PPFIBP1: variants seen among roughly 807,000 people sequenced by gnomAD.
The protein encoded by PPFIBP1 is liprin-beta-1.
PPFIBP1 carries 112 observed loss-of-function variants against 137.8 expected under a neutral mutation model. The ratio of observed to expected loss-of-function variants is 0.81; its 90% CI spans 0.70 to 0.95. The LOEUF is 0.95. PPFIBP1 is among the 40% of genes least tolerant of loss of function. The pLI is 0.00. For missense variants in PPFIBP1, 1,083 were observed against 1,196.6 expected, an observed-to-expected ratio of 0.91 and a Z score of 1.40; for synonymous variants, 378 against 417.3, an observed-to-expected ratio of 0.91 and a Z score of 1.15.
intron 1 of PPFIBP1, among the ~76,000 whole-genome samples, chr12:27,553,660 C>T (rs377256605): frequency 1.3e-5 from 2 of 152,188 alleles, no homozygotes; most frequent in South Asian, 2.1e-4. Flanking sequence ...CATCGATATT[C>T]GGGGACTCAG....
intron 1 of PPFIBP1, among the ~76,000 whole-genome samples, chr12:27,558,467 T>TACACACACACAC (rs10677887): frequency 0.019 from 2,402 of 129,236 alleles, 34 homozygotes; most frequent in Middle Eastern, 0.069. Context: ...CAGTATGTTA[T>TACACACACACAC]ACACACACAC....
rs1023542558 is a variant in PPFIBP1 at position 27,578,251 on chromosome 12, C to G, written c.-36+12C>G. 4 of 152,258 alleles carry G rather than the reference C, an allele frequency of 2.6e-5. No homozygotes were observed. The highest frequency in any genetic ancestry group is 3.9e-4 in the East Asian group (2 of 5,188). 9.4% of individuals were successfully genotyped at this position (152,258 alleles called of 1,614,324 possible). A position where few individuals can be genotyped will look rare whatever the true frequency, so the allele number is the denominator to read the frequency against. ...TGCTTTTTAAAAATGTAAGTGAACT[C>G]ACTTCTGGCCATGGTTCATTTCAGA... On this transcript the variant is annotated intron_variant, in intron 2 of 29. Coordinates refer to ENST00000228425, the MANE Select transcript of PPFIBP1 (RefSeq NM_003622.4).
intron 4 of PPFIBP1, among the ~76,000 whole-genome samples, chr12:27,637,926 A>G (rs2057802725): frequency 6.6e-6 from 1 of 152,182 alleles, no homozygotes; most frequent in Non-Finnish European, 1.5e-5. Flanking sequence ...AAATGGGTAT[A>G]TGTATACATT....
rs753753276 is a variant in PPFIBP1, at chr12:27,688,349, G to C, written c.2422G>C (p.Glu808Gln). The change falls in exon 26 of 30, where the codon GAG becomes CAG. Residue 808 changes from glutamate to glutamine, a missense_variant. By Grantham distance (29) the Glu-to-Gln change is conservative. Coordinates refer to ENST00000228425, the MANE Select transcript of PPFIBP1 (RefSeq NM_003622.4). ...GAAGTGGACTAACCATCGAGTGATGGAGTGGCTGCGCTCCGTGGACTTGGC... is the reference window on the plus strand; with the variant it reads ...GAAGTGGACTAACCATCGAGTGATGCAGTGGCTGCGCTCCGTGGACTTGGC... The part of the protein sequence containing the change: ...VQKWTNHRVM[E>Q]WLRSVDLAEY... The C allele has an allele frequency of 4.3e-6, 7 of 1,614,022 alleles. No homozygotes were observed. The highest frequency in any genetic ancestry group is 5.9e-6 in the Non-Finnish European group (7 of 1,180,008).
At chr12:27,655,620 G>A (rs922297187) in intron 8 of PPFIBP1, among the ~76,000 whole-genome samples, 6 of 152,070 alleles carry the variant, frequency 3.9e-5, no homozygotes, top group African/African-American at 4.8e-5. Context: ...TATTATCATG[G>A]CTGTGAATAG....
chr12:27,686,872 C>CAA (rs11342490), intron 24 of PPFIBP1, among the ~76,000 whole-genome samples: 6 of 132,798 alleles, frequency 4.5e-5, no homozygotes, highest in African/African-American at 8.1e-5. Context: ...CCTATCTCTC[C>CAA]AAAAAAAAAA....
At chr12:27,664,301 G>A (rs1387785160) in intron 11 of PPFIBP1, 61 bp from the exon 12 acceptor site, 9 of 1,072,000 alleles carry the variant, frequency 8.4e-6, no homozygotes, top group African/African-American at 1.6e-5. Context: ...AATTCTTTAT[G>A]GAATTACTAT....
chr12:27,692,805 A>G lies in PPFIBP1; in HGVS notation c.2941A>G (p.Lys981Glu), dbSNP rs768254987. The change falls in exon 30 of 30, where the codon AAA becomes GAA. Residue 981 changes from lysine (K) to glutamate (E), a missense_variant. By Grantham distance (56) the Lys-to-Glu change is moderately conservative. Coordinates refer to ENST00000228425, the MANE Select transcript of PPFIBP1 (RefSeq NM_003622.4). The stretch of plus-strand genomic sequence containing the variant: ...TCTCCTTGTTTTCCAGCACATGTTA[A>G]AAGAAGATGACATGTTTAAAGATTT... ...EGINNLTHML[K>E]EDDMFKDFAA... The G allele has an allele frequency of 1.2e-6, 2 of 1,614,130 alleles. No homozygotes were observed. Among genetic ancestry groups the G allele is most frequent in the Admixed American group, 3.3e-5 (2 of 60,024 alleles).
intron 1 of PPFIBP1, among the ~76,000 whole-genome samples, chr12:27,576,577 T>C (rs551241122): frequency 1.3e-5 from 2 of 152,284 alleles, no homozygotes; most frequent in East Asian, 1.9e-4. Flanking sequence ...CCAGCTCCTG[T>C]CTGCTCAGAC....
intron 2 of PPFIBP1, among the ~76,000 whole-genome samples, chr12:27,608,383 C>T (rs74074024): frequency 0.015 from 2,247 of 152,248 alleles, 56 homozygotes; most frequent in African/African-American, 0.052. Context: ...AAATGCAGGA[C>T]TGTGACTCCA....
intron 1 of PPFIBP1, among the ~76,000 whole-genome samples, chr12:27,543,633 C>T (rs954011947): frequency 5.3e-5 from 8 of 152,014 alleles, no homozygotes; most frequent in African/African-American, 1.9e-4. Flanking sequence ...ATATGCTTCA[C>T]CTAAAACATA....
chr12:27,685,236 CACAT>C (rs1237993147), intron 24 of PPFIBP1, among the ~76,000 whole-genome samples: 4 of 151,564 alleles, frequency 2.6e-5, no homozygotes, highest in Admixed American at 6.6e-5. Flanking sequence ...TATATACACA[CACAT>C]ACACATATAT....
At chr12:27,630,796 T>C (rs1052500175) in intron 2 of PPFIBP1, among the ~76,000 whole-genome samples, 1 of 152,174 alleles carries the variant, frequency 6.6e-6, no homozygotes, top group Non-Finnish European at 1.5e-5. Context: ...TCTCTGCTGT[T>C]ATATACCACT....
chr12:27,558,287 G>GTTTTA (rs1237027926), intron 1 of PPFIBP1, among the ~76,000 whole-genome samples: 1 of 144,016 alleles, frequency 6.9e-6, no homozygotes, highest in African/African-American at 2.6e-5. Context: ...GTTTTGTTTT[G>GTTTTA]TTTTAAGATT....
At chr12:27,608,849 GT>G in intron 2 of PPFIBP1, 1 of 182,142 alleles carries the variant, frequency 5.5e-6, no homozygotes, top group Non-Finnish European at 1.2e-5. Context: ...ACTTCAGCCT[GT>G]TTTTCTTTTC....
chr12:27,575,402 T>G (rs1174484365), intron 1 of PPFIBP1, among the ~76,000 whole-genome samples: 6 of 152,208 alleles, frequency 3.9e-5, no homozygotes, highest in Non-Finnish European at 7.3e-5. Flanking sequence ...AACAGAAACT[T>G]TGATTTTTAA....
Position 27,679,571 on chromosome 12 carries a change from C to T in PPFIBP1, c.1698C>T (p.Pro566=), listed in dbSNP as rs1163811371. Reference sequence around the variant, plus strand: ...CAAAAGATTCACAGAGGAACAGTCCCTTCCAGATACCGCCTCCATCTCCAG... The same window carrying T: ...CAAAAGATTCACAGAGGAACAGTCCTTTCCAGATACCGCCTCCATCTCCAG... The part of the protein sequence containing the change: ...SRPKDSQRNS[P]FQIPPPSPDS... The change falls in exon 20 of 30, where the codon CCC becomes CCT. Residue 566 remains proline (P), a synonymous_variant. Coordinates refer to ENST00000228425, the MANE Select transcript of PPFIBP1 (RefSeq NM_003622.4). 6 of 1,613,758 alleles carry T rather than the reference C, an allele frequency of 3.7e-6. No homozygotes were observed. The highest frequency in any genetic ancestry group is 1.7e-5 in the Admixed American group (1 of 59,998).
intron 2 of PPFIBP1, among the ~76,000 whole-genome samples, chr12:27,628,155 T>C (rs2056984484): frequency 6.6e-6 from 1 of 152,122 alleles, no homozygotes; most frequent in Non-Finnish European, 1.5e-5. Flanking sequence ...GTGAGAATTA[T>C]TGGATGGTGA....
intron 4 of PPFIBP1, among the ~76,000 whole-genome samples, chr12:27,639,592 C>A (rs76471330): frequency 0.067 from 8,504 of 126,208 alleles, no homozygotes; most frequent in African/African-American, 0.12. Flanking sequence ...CAATTTTCAA[C>A]AAAGTGAGTG....
Sources: allele counts gnomAD v4.1 joint callset (sites outside exome capture counted in the v4.1 genomes callset), GRCh38; gene constraint gnomAD v4.1.1; transcripts MANE v1.5; gene names NCBI Gene and HGNC (gene_info 2026-07-23, HGNC 2026-07-21).